Variants in GIT2 observed in about 807,000 individuals in gnomAD.
GIT2 encodes the protein GIT ArfGAP 2, also known as ARF GTPase-activating protein GIT2.
In GIT2, 32 loss-of-function variants were observed where a neutral mutation model predicts 100.3. The ratio of observed to expected loss-of-function variants is 0.32; its 90% CI spans 0.24 to 0.43. The LOEUF is 0.43. Among genes scored for constraint, GIT2 ranks in the 20% least tolerant of loss-of-function variants. The probability of loss-of-function intolerance (pLI) is 1.00; values close to 1 mark genes in which losing one functional copy is unlikely to be tolerated. For missense variants in GIT2, 737 were observed against 975.1 expected (o/e 0.76, Z 3.25); for synonymous variants, 353 against 364.1 (o/e 0.97, Z 0.35).
Position 109,948,519 on chromosome 12 carries a change from T to C in GIT2, c.1393-1015A>G. 1 of 1,254,062 alleles carries C rather than the reference T, an allele frequency of 8.0e-7. No individual in the cohort carries two copies. Among genetic ancestry groups the C allele is most frequent in the Non-Finnish European group, 1.0e-6 (1 of 998,628 alleles). 77.7% of individuals were successfully genotyped at this position (1,254,062 alleles called of 1,614,324 possible). A position where few individuals can be genotyped will look rare whatever the true frequency, so the allele number is the denominator to read the frequency against. ...CGTGTTACTCTTTGGCATCTGGCAT[T>C]TTAAACACCATTCACCACGTCCATT... On this transcript the variant is annotated intron_variant, in intron 14 of 19. Coordinates refer to ENST00000355312, the MANE Select transcript of GIT2 (RefSeq NM_057169.5). The surrounding 1 kb of genome is among the most constrained non-coding windows in gnomAD (Gnocchi z 4.3).
chr12:109,950,324 C>G (rs1330229832), intron 14 of GIT2, among the ~76,000 whole-genome samples: 1 of 152,200 alleles, frequency 6.6e-6, no homozygotes, highest in East Asian at 1.9e-4. Context: ...AGCCTAAAGA[C>G]ATAGATTATA....
intron 8 of GIT2, among the ~76,000 whole-genome samples, chr12:109,967,000 A>T (rs867335015): frequency 2.0e-5 from 3 of 152,226 alleles, no homozygotes; most frequent in Non-Finnish European, 4.4e-5. Flanking sequence ...ACTGGAATAG[A>T]CACACCCATT....
rs747017505 is a variant in GIT2, at chr12:109,965,793, A to G, written c.765-216T>C. On this transcript the variant is annotated intron_variant, in intron 8 of 19. Coordinates refer to ENST00000355312, the MANE Select transcript of GIT2 (RefSeq NM_057169.5). Reference sequence around the variant, plus strand: ...GAAATACCACAATCATGTAAGTGTTAAAGAGGAAAAAAAAATCGTCCACCA... The same window carrying G: ...GAAATACCACAATCATGTAAGTGTTGAAGAGGAAAAAAAAATCGTCCACCA... 2.9e-5 allele frequency: 20 copies of G among 695,304 alleles called. 1 individual carries two copies. The highest frequency in any genetic ancestry group is 2.4e-4 in the South Asian group (17 of 70,974). 43.1% of individuals were successfully genotyped at this position (695,304 alleles called of 1,614,324 possible).
chr12:109,975,835 G>A (rs1884906510), intron 7 of GIT2, among the ~76,000 whole-genome samples: 1 of 143,266 alleles, frequency 7.0e-6, no homozygotes, highest in Non-Finnish European at 1.5e-5. Flanking sequence ...GCAGTGGCAT[G>A]ATCTCGGCTC....
intron 1 of GIT2, among the ~76,000 whole-genome samples, chr12:109,995,624 C>T (rs1050579990): frequency 1.3e-5 from 2 of 152,162 alleles, no homozygotes; most frequent in Admixed American, 6.5e-5. Context: ...AGCACTGCCT[C>T]CTAAGTGCTG....
At chr12:109,977,932 T>C (rs1338658489) in intron 7 of GIT2, among the ~76,000 whole-genome samples, 1 of 152,206 alleles carries the variant, frequency 6.6e-6, no homozygotes. Context: ...CACTTTTTCC[T>C]GGCTGCTTTC....
In GIT2 at chr12:109,933,655, G is replaced by A. The variant is rs1486021844; in HGVS notation, c.2067+367C>T. 4 of 222,594 alleles carry A rather than the reference G, an allele frequency of 1.8e-5. No homozygotes were observed. Among genetic ancestry groups the A allele is most frequent in the Non-Finnish European group, 2.7e-5 (3 of 111,400 alleles). 13.8% of individuals were successfully genotyped at this position (222,594 alleles called of 1,614,324 possible). ...TCACTCTTGTTGCCCAGGCTGGAGC[G>A]CAATGGCACGATCTTGACTCACTGC... On this transcript the variant is annotated intron_variant, in intron 19 of 19. Transcript: ENST00000355312. The surrounding 1 kb of genome is among the most constrained non-coding windows in gnomAD (Gnocchi z 4.5).
chr12:109,970,643 A>T (rs946219367), intron 7 of GIT2, among the ~76,000 whole-genome samples: 1 of 152,214 alleles, frequency 6.6e-6, no homozygotes, highest in Non-Finnish European at 1.5e-5. Context: ...CTATATGTCT[A>T]TCTCTTCATA....
chr12:109,953,151 C>T lies in GIT2; in HGVS notation c.1183G>A (p.Val395Met), dbSNP rs574527062. 16 of 1,613,952 alleles carry T rather than the reference C, an allele frequency of 9.9e-6. No individual in the cohort carries two copies. The highest frequency in any genetic ancestry group is 1.3e-5 in the African/African-American group (1 of 74,900). ...AAATCTGTGTCTTCGTCTGATGCCA[C>T]GCTGTCATAGTCGGGCTGATCGTTG... ...QDNDQPDYDS[V>M]ASDEDTDLET... Residue 395 changes from valine (V) to methionine (M), a missense_variant, in exon 13 of 20, where the codon GTG becomes ATG. Physicochemically the swap from Val to Met is conservative, Grantham distance 21. Coordinates refer to ENST00000355312, the MANE Select transcript of GIT2 (RefSeq NM_057169.5).
chr12:109,981,359 A>G (rs987910911), intron 6 of GIT2: 2 of 260,980 alleles, frequency 7.7e-6, no homozygotes, highest in African/African-American at 4.5e-5. Flanking sequence ...GAAATTAATC[A>G]ATGGTTTACG....
rs552380726 is a variant in GIT2 at position 109,948,701 on chromosome 12, T to C, written c.1393-1197A>G. ...AAGGTTTAAGTCCACAAGCAACTGT[T>C]TGCACCAGAAGATCATTACTTTTTC... is the stretch of plus-strand genomic sequence containing the variant. On this transcript the variant is annotated intron_variant, in intron 14 of 19. Coordinates refer to ENST00000355312, the MANE Select transcript of GIT2 (RefSeq NM_057169.5). The surrounding 1 kb of genome is among the most constrained non-coding windows in gnomAD (Gnocchi z 4.3). 48 of 1,466,400 alleles carry C rather than the reference T, an allele frequency of 3.3e-5. 2 individuals are homozygous for C. The Middle Eastern group carries it at 5.4e-4, about 16-fold the overall frequency. 90.8% of individuals were successfully genotyped at this position (1,466,400 alleles called of 1,614,324 possible). A position where few individuals can be genotyped will look rare whatever the true frequency, so the allele number is the denominator to read the frequency against.
chr12:109,990,113 T>C (rs907655349), intron 2 of GIT2, among the ~76,000 whole-genome samples: 1 of 152,252 alleles, frequency 6.6e-6, no homozygotes, highest in Non-Finnish European at 1.5e-5. Flanking sequence ...ATTTTCAACA[T>C]TCTTAATGAC....
At chr12:109,957,218 C>T (rs1338012866) in intron 12 of GIT2, among the ~76,000 whole-genome samples, 1 of 152,026 alleles carries the variant, frequency 6.6e-6, no homozygotes, top group South Asian at 2.1e-4. Context: ...AGTGAGTTCT[C>T]GCTCTATTAG....
chr12:109,985,650 G>A (rs1470783627), intron 4 of GIT2, among the ~76,000 whole-genome samples: 1 of 152,110 alleles, frequency 6.6e-6, no homozygotes, highest in East Asian at 1.9e-4. Flanking sequence ...AGGAGTTCAA[G>A]ACCAGCCTGG....
intron 17 of GIT2, 74 bp from the exon 18 acceptor site, chr12:109,938,642 G>T: frequency 9.7e-7 from 1 of 1,033,890 alleles, no homozygotes; most frequent in Non-Finnish European, 1.4e-6. Flanking sequence ...GAGCCACTTT[G>T]TATGCACTGG....
At chr12:109,978,244 G>C (rs576684935) in intron 7 of GIT2, among the ~76,000 whole-genome samples, 3 of 151,616 alleles carry the variant, frequency 2.0e-5, no homozygotes. Flanking sequence ...CAACATGCCC[G>C]GCTACTTTTT....
intron 6 of GIT2, chr12:109,982,954 G>C (rs1158022925): frequency 6.2e-6 from 1 of 160,854 alleles, no homozygotes; most frequent in South Asian, 1.7e-4. Context: ...CCTAGAGTGA[G>C]CACTTAGATG....
In GIT2 at chr12:109,931,964, A is replaced by T. The variant is rs997170782; in HGVS notation, c.*1014T>A. ...ACTGCGATACGATACATCTTTCCTT[A>T]TAAGAAGTCCTTAAAGATGATGAAA... On this transcript the variant is annotated 3_prime_UTR_variant, in exon 20 of 20. Transcript: ENST00000355312. The T allele has an allele frequency of 6.6e-6, 1 of 152,352 alleles. No individual in the cohort carries two copies. The allele number at this position is 152,352 out of a possible 1,614,324, so 9.4% of individuals were successfully genotyped here.
chr12:109,961,165 A>C, intron 11 of GIT2, 113 bp downstream of exon 11: 1 of 658,346 alleles, frequency 1.5e-6, no homozygotes, highest in Non-Finnish European at 2.7e-6. Flanking sequence ...TATATGTATA[A>C]AGGATATTAA....
Sources: gnomAD v4.1 joint callset for allele counts (sites outside exome capture counted in the v4.1 genomes callset) on GRCh38, gnomAD v4.1.1 for gene constraint, Gnocchi (gnomAD v3.1) non-coding constraint, MANE v1.5 for transcripts, NCBI Gene and HGNC (gene_info 2026-07-23, HGNC 2026-07-21) for gene names.